Variants in FOXP2 observed in about 807,000 individuals in gnomAD.
FOXP2 encodes forkhead box protein P2.
A neutral mutation model predicts 115.8 loss-of-function variants in FOXP2; 12 were observed. The observed-to-expected ratio is 0.10, with a 90% confidence interval of 0.07 to 0.17. The LOEUF (loss-of-function observed/expected upper bound fraction) is 0.17, where lower values mean the gene tolerates loss of function less well. Ranked by LOEUF, FOXP2 falls within the 10% of genes least tolerant of loss-of-function variation. The probability of loss-of-function intolerance (pLI) is 1.00; values close to 1 mark genes in which losing one functional copy is unlikely to be tolerated. For missense variants in FOXP2, 629 were observed against 843.5 expected, an observed-to-expected ratio of 0.75 and a Z score of 3.15; for synonymous variants, 328 against 297.7, an observed-to-expected ratio of 1.10 and a Z score of -1.05.
chr7:114,478,354 T>A (rs552007663), intron 2 of FOXP2, among the ~76,000 whole-genome samples: 10 of 151,944 alleles, frequency 6.6e-5, no homozygotes, highest in Admixed American at 5.9e-4. Flanking sequence ...TTATTCAGGA[T>A]TATGGCCTAA....
chr7:114,167,710 G>T (rs1793018782), intron 1 of FOXP2, among the ~76,000 whole-genome samples: 1 of 152,120 alleles, frequency 6.6e-6, no homozygotes, highest in African/African-American at 2.4e-5. Context: ...GCTGAGGCAG[G>T]CGGATCAGGA....
chr7:114,683,177 T>C (rs1808187623), intron 16 of FOXP2, among the ~76,000 whole-genome samples: 1 of 152,210 alleles, frequency 6.6e-6, no homozygotes, highest in Non-Finnish European at 1.5e-5. Flanking sequence ...AGGTATCTTC[T>C]CTATTAGAAT....
intron 2 of FOXP2, among the ~76,000 whole-genome samples, chr7:114,347,019 T>G (rs1413048142): frequency 6.6e-6 from 1 of 151,852 alleles, no homozygotes; most frequent in African/African-American, 2.4e-5. Context: ...AAGGTATCAA[T>G]TAAAAATTAA....
intron 2 of FOXP2, among the ~76,000 whole-genome samples, chr7:114,475,419 A>G (rs1407200494): frequency 2.0e-5 from 3 of 152,042 alleles, no homozygotes; most frequent in African/African-American, 7.2e-5. Flanking sequence ...ATTTGAAAAC[A>G]GTCAAGCCTG....
chr7:114,103,188 G>C (rs1332572531), intron 1 of FOXP2, among the ~76,000 whole-genome samples: 4 of 152,002 alleles, frequency 2.6e-5, no homozygotes, highest in Non-Finnish European at 5.9e-5. Flanking sequence ...ATAAAGCTTT[G>C]TCACAATCCA....
In FOXP2 at chr7:114,199,681, A is replaced by T. The variant is rs1794011281; in HGVS notation, c.-102+36593A>T. On this transcript the variant is annotated intron_variant, in intron 1 of 17. Transcript: ENST00000634411. Reference sequence around the variant, plus strand: ...ATGTTTACATTGAGACCCCACAAGGATTTTGGCAGAATGGTCTGACAAAAT... The same window carrying T: ...ATGTTTACATTGAGACCCCACAAGGTTTTTGGCAGAATGGTCTGACAAAAT... Among the ~76,000 whole-genome samples the T allele has an allele frequency of 2.0e-5, 3 of 152,218 alleles. No homozygotes were observed. In the South Asian group the frequency reaches 6.2e-4, roughly 31 times the overall value.
Position 114,250,574 on chromosome 7 carries a change from G to T in FOXP2, c.-101-37445G>T, listed in dbSNP as rs564110412. On this transcript the variant is annotated intron_variant, in intron 1 of 17. Transcript: ENST00000634411. ...ATGATGAGCATTTTTTCATGTGTCT[G>T]TTGCCTGCATAAATGTCTTATTTTG... 9.5e-4 allele frequency among the ~76,000 whole-genome samples: 144 copies of T among 152,206 alleles called. 1 individual carries two copies. The highest frequency in any genetic ancestry group is 1.7e-3 in the Non-Finnish European group (116 of 68,022).
At chr7:114,455,834 A>G (rs1326570780) in intron 2 of FOXP2, among the ~76,000 whole-genome samples, 1 of 152,174 alleles carries the variant, frequency 6.6e-6, no homozygotes, top group East Asian at 1.9e-4. Context: ...TCCTTCCCAC[A>G]GTACAGAAGA....
At chr7:114,331,512 A>G (rs775698662) in intron 2 of FOXP2, among the ~76,000 whole-genome samples, 3 of 152,172 alleles carry the variant, frequency 2.0e-5, no homozygotes, top group Non-Finnish European at 4.4e-5. Flanking sequence ...GTGCCAAGAA[A>G]TATGTGAACT....
At chr7:114,280,664 AT>A (rs548024472) in intron 1 of FOXP2, among the ~76,000 whole-genome samples, 265 of 152,276 alleles carry the variant, frequency 1.7e-3, no homozygotes, top group African/African-American at 5.9e-3. Context: ...GTAATATTTT[AT>A]AAAAAACAGA....
At chr7:114,164,370 G>A (rs1425492427) in intron 1 of FOXP2, among the ~76,000 whole-genome samples, 5 of 149,808 alleles carry the variant, frequency 3.3e-5, no homozygotes, top group South Asian at 4.2e-4. Flanking sequence ...TTTTGAGATG[G>A]AGTCTCACTC....
chr7:114,141,164 C>T (rs1156712258), intron 1 of FOXP2, among the ~76,000 whole-genome samples: 1 of 152,122 alleles, frequency 6.6e-6, no homozygotes, highest in Non-Finnish European at 1.5e-5. Context: ...TAAGCTAAGT[C>T]ACTCTTCTTA....
intron 1 of FOXP2, among the ~76,000 whole-genome samples, chr7:114,133,126 T>C (rs1791936652): frequency 6.6e-6 from 1 of 152,170 alleles, no homozygotes; most frequent in African/African-American, 2.4e-5. Context: ...TGTGTACATT[T>C]TGAAGCTTCA....
At chr7:114,274,325 C>A (rs539926089) in intron 1 of FOXP2, among the ~76,000 whole-genome samples, 1 of 151,980 alleles carries the variant, frequency 6.6e-6, no homozygotes, top group Non-Finnish European at 1.5e-5. Context: ...TTTGAATGAA[C>A]TGTTATATGT....
chr7:114,292,383 T>C (rs1001031248), intron 2 of FOXP2, among the ~76,000 whole-genome samples: 3 of 152,158 alleles, frequency 2.0e-5, no homozygotes, highest in Admixed American at 2.0e-4. Context: ...ACTATTCCTC[T>C]TTGCCTAAAA....
chr7:114,327,737 T>C (rs566849098), intron 2 of FOXP2, among the ~76,000 whole-genome samples: 3 of 152,030 alleles, frequency 2.0e-5, no homozygotes, highest in African/African-American at 7.2e-5. Context: ...CCTGACCTCG[T>C]GATCTGCCAC....
chr7:114,463,096 A>G (rs573026449), intron 2 of FOXP2: 218 of 426,424 alleles, frequency 5.1e-4, no homozygotes, highest in Admixed American at 1.2e-3. Context: ...TGGTGCAATC[A>G]TAACTCACTG....
chr7:114,230,099 T>C (rs1226505645), intron 1 of FOXP2, among the ~76,000 whole-genome samples: 3 of 151,732 alleles, frequency 2.0e-5, no homozygotes, highest in African/African-American at 7.2e-5. Context: ...CTGTGAACAA[T>C]TATACACCAT....
intron 16 of FOXP2, among the ~76,000 whole-genome samples, chr7:114,676,587 A>G (rs1485807100): frequency 1.3e-5 from 2 of 152,200 alleles, no homozygotes; most frequent in Non-Finnish European, 2.9e-5. Flanking sequence ...CATGATTACT[A>G]TAGAAGTATG....
Sources: allele counts gnomAD v4.1 joint callset (sites outside exome capture counted in the v4.1 genomes callset), GRCh38; gene constraint gnomAD v4.1.1; transcripts MANE v1.5; gene names NCBI Gene and HGNC (gene_info 2026-07-23, HGNC 2026-07-21).